TTI1: variants seen among roughly 807,000 people sequenced by gnomAD.
The protein encoded by TTI1 is TELO2 interacting protein 1, also known as TELO2-interacting protein 1 homolog.
Under a neutral mutation model 85.4 loss-of-function variants are expected in TTI1, and 52 were observed. The ratio of observed to expected loss-of-function variants is 0.61; its 90% CI spans 0.49 to 0.77. The LOEUF (loss-of-function observed/expected upper bound fraction) is 0.77, where lower values mean the gene tolerates loss of function less well. Among genes scored for constraint, TTI1 ranks in the 30% least tolerant of loss-of-function variants. The pLI is 0.00. For synonymous variants in TTI1, 512 were observed against 503.9 expected (o/e 1.02, Z -0.22); for missense variants, 1,173 against 1,296.0 (o/e 0.91, Z 1.46).
At chr20:38,032,500 A>G (rs747666542) in intron 1 of TTI1, among the ~76,000 whole-genome samples, 3 of 152,222 alleles carry the variant, frequency 2.0e-5, no homozygotes, top group Non-Finnish European at 2.9e-5. Flanking sequence ...CCGTGGCAGT[A>G]AGAAAAACAA....
Position 38,011,493 on chromosome 20 carries a change from TTAAAA to T in TTI1, c.2302+17_2302+21del. 1 of 1,608,724 alleles carries T rather than the reference TTAAAA, an allele frequency of 6.2e-7. No individual in the cohort carries two copies. Among genetic ancestry groups the T allele is most frequent in the Non-Finnish European group, 8.5e-7 (1 of 1,176,766 alleles). ...GAGTCCTGTCCCCCACACATCAGCA[TTAAAA>T]AGGGCTCTCAATGTACCTAATGCTG... On this transcript the variant is annotated intron_variant, in intron 2 of 7. Transcript: ENST00000373447.
At chr20:38,025,958 A>C (rs767138420) in intron 1 of TTI1, among the ~76,000 whole-genome samples, 6 of 152,240 alleles carry the variant, frequency 3.9e-5, no homozygotes, top group African/African-American at 1.4e-4. Flanking sequence ...TGTGGGACCA[A>C]GAGGGCAGGC....
At position 38,002,684 on chromosome 20, in the gene TTI1, C is replaced by G. The variant is rs750069243; in HGVS notation, c.2596G>C (p.Val866Leu). 1.2e-6 allele frequency: 2 copies of G among 1,614,246 alleles called. No individual in the cohort carries two copies. Among genetic ancestry groups the G allele is most frequent in the Middle Eastern group, 3.3e-4 (2 of 6,062 alleles). Reference sequence around the variant, plus strand: ...AACAAGTGGATGCAGCGTTCCATCACGTCCATGGCTATTTGGATCTGCAAT... The same window carrying G: ...AACAAGTGGATGCAGCGTTCCATCAGGTCCATGGCTATTTGGATCTGCAAT... ...LPLQIQIAMD[V>L]MERCIHLLSD... Residue 866 changes from valine to leucine, a missense_variant, in exon 4 of 8, where the codon GTG (valine) becomes CTG (leucine). Coordinates refer to ENST00000373447, the MANE Select transcript of TTI1 (RefSeq NM_001303457.2).
chr20:38,019,626 G>C (rs1181392261), intron 1 of TTI1, among the ~76,000 whole-genome samples: 1 of 151,334 alleles, frequency 6.6e-6, no homozygotes, highest in Admixed American at 6.6e-5. Flanking sequence ...GGGCAAAAAT[G>C]CAAAAAAAAA....
At chr20:38,024,241 T>C (rs1460357231) in intron 1 of TTI1, among the ~76,000 whole-genome samples, 1 of 152,198 alleles carries the variant, frequency 6.6e-6, no homozygotes, top group Non-Finnish European at 1.5e-5. Context: ...GTTTGCATAT[T>C]CTACTTATTT....
rs148431928 is a variant in TTI1 at position 38,028,498 on chromosome 20, T to C, written c.-42+4906A>G. Reference sequence around the variant, plus strand: ...CTGCAATCTTAAAATGTATATGCTGTAAAATGTGTGAAACAAAAATGGATA... The same window carrying C: ...CTGCAATCTTAAAATGTATATGCTGCAAAATGTGTGAAACAAAAATGGATA... On this transcript the variant is annotated intron_variant, in intron 1 of 7. Coordinates refer to ENST00000373447, the MANE Select transcript of TTI1 (RefSeq NM_001303457.2). Among the ~76,000 whole-genome samples, 1,054 of 152,278 alleles carry C rather than the reference T, an allele frequency of 6.9e-3. 5 individuals are homozygous for C. The highest frequency in any genetic ancestry group is 0.02 in the African/African-American group (838 of 41,554).
chr20:38,023,510 C>T (rs1174388846), intron 1 of TTI1, among the ~76,000 whole-genome samples: 1 of 152,166 alleles, frequency 6.6e-6, no homozygotes, highest in African/African-American at 2.4e-5. Context: ...AAGAACAAGT[C>T]GTATGATGAA....
chr20:38,029,855 C>G (rs905015808), intron 1 of TTI1, among the ~76,000 whole-genome samples: 1 of 152,154 alleles, frequency 6.6e-6, no homozygotes, highest in African/African-American at 2.4e-5. Context: ...GCACACTCAG[C>G]CCCCTGGCCC....
chr20:37,985,057 C>A (rs1004823130), intron 7 of TTI1, among the ~76,000 whole-genome samples: 4 of 152,174 alleles, frequency 2.6e-5, no homozygotes, highest in Admixed American at 1.3e-4. Context: ...AAGGAAGGAA[C>A]AAGGAAGATT....
At chr20:38,032,357 A>G (rs756522709) in intron 1 of TTI1, among the ~76,000 whole-genome samples, 28 of 152,260 alleles carry the variant, frequency 1.8e-4, no homozygotes, top group Non-Finnish European at 3.2e-4. Flanking sequence ...ATACAGTGCA[A>G]TAAGAGCAAA....
In TTI1 at chr20:38,013,419, G is replaced by A. The variant is rs1351958375; in HGVS notation, c.398C>T (p.Ser133Leu). Residue 133 changes from serine to leucine, a missense_variant, in exon 2 of 8, where the codon TCA (serine) becomes TTA (leucine). Ser to Leu is a moderately radical substitution (Grantham distance 145, BLOSUM62 -2). Coordinates refer to ENST00000373447, the MANE Select transcript of TTI1 (RefSeq NM_001303457.2). ...VIQGLSTLMH[S>L]AYGDIILTFY... ...AGTCAGAATGATGTCCCCATAAGCTGAGTGCATTAATGTGCTAAGTCCCTG... is the reference window on the plus strand; with the variant it reads ...AGTCAGAATGATGTCCCCATAAGCTAAGTGCATTAATGTGCTAAGTCCCTG... 6.2e-7 allele frequency: 1 copy of A among 1,614,046 alleles called. No individual in the cohort carries two copies. The highest frequency in any genetic ancestry group is 8.5e-7 in the Non-Finnish European group (1 of 1,180,042).
intron 7 of TTI1, among the ~76,000 whole-genome samples, chr20:37,984,969 T>C (rs1362036667): frequency 6.6e-6 from 1 of 152,218 alleles, no homozygotes; most frequent in Non-Finnish European, 1.5e-5. Context: ...TGCACATGAA[T>C]GACTTTAGAC....
At chr20:38,021,122 A>ATTTCCT (rs1568629577) in intron 1 of TTI1, among the ~76,000 whole-genome samples, 3 of 152,258 alleles carry the variant, frequency 2.0e-5, no homozygotes, top group Non-Finnish European at 4.4e-5. Context: ...TGGATAAATA[A>ATTTCCT]ACTGTAGTAC....
chr20:37,993,552 G>A (rs781514641), intron 7 of TTI1, among the ~76,000 whole-genome samples: 5 of 152,110 alleles, frequency 3.3e-5, no homozygotes, highest in South Asian at 2.1e-4. Context: ...CGATGAAGGC[G>A]CCCCTTGGAG....
Position 37,996,917 on chromosome 20 carries a change from G to C in TTI1, c.2830C>G (p.Leu944Val). The C allele has an allele frequency of 1.2e-6, 2 of 1,614,138 alleles. No homozygotes were observed. The highest frequency in any genetic ancestry group is 1.7e-6 in the Non-Finnish European group (2 of 1,180,030). The change falls in exon 6 of 8, where the codon CTT becomes GTT. Residue 944 changes from leucine to valine, a missense_variant. Physicochemically the swap from Leu to Val is conservative, Grantham distance 32. Coordinates refer to ENST00000373447, the MANE Select transcript of TTI1 (RefSeq NM_001303457.2). ...ACATCTTTGCAGAACCGGCTGCGAA[G>C]AAAGTCACCACACTTGCTTCCCAGG... The part of the protein sequence containing the change: ...RTLGSKCGDF[L>V]RSRFCKDVLP...
chr20:37,990,999 CTT>C (rs1286680267), intron 7 of TTI1, among the ~76,000 whole-genome samples: 2 of 152,212 alleles, frequency 1.3e-5, no homozygotes, highest in African/African-American at 4.8e-5. Flanking sequence ...CAGCAACCCA[CTT>C]TGTTTGTAAT....
At chr20:38,024,835 C>G (rs998645481) in intron 1 of TTI1, among the ~76,000 whole-genome samples, 1 of 152,080 alleles carries the variant, frequency 6.6e-6, no homozygotes, top group Non-Finnish European at 1.5e-5. Context: ...GGAGACCACA[C>G]GGGGAGCCTA....
rs1193813915 is a variant in TTI1 at position 38,002,685 on chromosome 20, G to C, written c.2595C>G (p.Asp865Glu). The C allele has an allele frequency of 1.9e-6, 3 of 1,614,220 alleles. No individual in the cohort carries two copies. The highest frequency in any genetic ancestry group is 2.5e-6 in the Non-Finnish European group (3 of 1,180,042). The change falls in exon 4 of 8, where the codon GAC (aspartate) becomes GAG (glutamate). Residue 865 changes from aspartate to glutamate, a missense_variant. Physicochemically the swap from Asp to Glu is conservative, Grantham distance 45 (BLOSUM62 2). Transcript: ENST00000373447. ...PLPLQIQIAM[D>E]VMERCIHLLS... ...ACAAGTGGATGCAGCGTTCCATCAC[G>C]TCCATGGCTATTTGGATCTGCAATG...
intron 7 of TTI1, among the ~76,000 whole-genome samples, chr20:37,993,900 G>A (rs978363048): frequency 3.3e-5 from 5 of 152,236 alleles, no homozygotes; most frequent in Non-Finnish European, 5.9e-5. Flanking sequence ...GGGCAGGACT[G>A]GAAGTGGGAC....
Sources: allele counts gnomAD v4.1 joint callset (sites outside exome capture counted in the v4.1 genomes callset), GRCh38; gene constraint gnomAD v4.1.1; transcripts MANE v1.5; gene names NCBI Gene and HGNC (gene_info 2026-07-23, HGNC 2026-07-21).